ATP13A3: variants seen among roughly 807,000 people sequenced by gnomAD.
The protein encoded by ATP13A3 is ATPase 13A3.
Under a neutral mutation model 158.1 loss-of-function variants are expected in ATP13A3, and 59 were observed. That is an observed-to-expected ratio of 0.37 (90% CI 0.30 to 0.46). The LOEUF (loss-of-function observed/expected upper bound fraction) is 0.46, where lower values mean the gene tolerates loss of function less well. Ranked by LOEUF, ATP13A3 falls within the 20% of genes least tolerant of loss-of-function variation. The pLI is 1.00. For missense variants in ATP13A3, 1,166 were observed against 1,525.2 expected, an observed-to-expected ratio of 0.76 and a Z score of 3.92; for synonymous variants, 491 against 504.3, an observed-to-expected ratio of 0.97 and a Z score of 0.35.
intron 15 of ATP13A3, 84 bp from the exon 16 acceptor site, chr3:194,441,545 T>A (rs1235954586): frequency 5.0e-6 from 6 of 1,202,000 alleles, no homozygotes; most frequent in Non-Finnish European, 4.6e-6. Flanking sequence ...GTTTTGTAAT[T>A]AAAAAAAAAA....
chr3:194,430,381 A>C, intron 24 of ATP13A3, 66 bp from the exon 25 acceptor site: 1 of 1,501,322 alleles, frequency 6.7e-7, no homozygotes, highest in African/African-American at 1.4e-5. Flanking sequence ...TAACTTATTA[A>C]GACTTTTCTA....
rs935525937 is a variant in ATP13A3, at chr3:194,404,217, G to T, written c.*1702C>A. 5.6e-5 allele frequency: 23 copies of T among 413,872 alleles called. No homozygotes were observed. The highest frequency in any genetic ancestry group is 8.4e-5 in the Non-Finnish European group (18 of 213,074). 25.6% of individuals were successfully genotyped at this position (413,872 alleles called of 1,614,324 possible). A position where few individuals can be genotyped will look rare whatever the true frequency, so the allele number is the denominator to read the frequency against. On this transcript the variant is annotated 3_prime_UTR_variant, in exon 34 of 34. Coordinates refer to ENST00000645319, the MANE Select transcript of ATP13A3 (RefSeq NM_001367549.1). ...TCATAGAATCATTCATGGAACAACT[G>T]TTATCATCTAATGTGTATTAATAGC...
chr3:194,415,674 T>C (rs972451038), intron 31 of ATP13A3, among the ~76,000 whole-genome samples: 1 of 142,956 alleles, frequency 7.0e-6, no homozygotes, highest in African/African-American at 2.6e-5. Context: ...TTTTTTTTTT[T>C]TTTTTTTTTT....
intron 20 of ATP13A3, among the ~76,000 whole-genome samples, chr3:194,434,195 C>T (rs1348260088): frequency 6.6e-6 from 1 of 152,146 alleles, no homozygotes; most frequent in Non-Finnish European, 1.5e-5. Context: ...CTTTACTGCC[C>T]TCTACAACAT....
Position 194,431,134 on chromosome 3 carries a change from T to C in ATP13A3, c.2514A>G (p.Ile838Met). ...GAACAAGGTCTTGAAAATGCTCCAG[T>C]ATCACTGAGAATGATTTTCCATTCA... ...FAMNGKSFSV[I>M]LEHFQDLVPK... Residue 838 changes from isoleucine to methionine, a missense_variant, in exon 23 of 34, where the codon ATA becomes ATG. Ile to Met is a conservative substitution (Grantham distance 10). Coordinates refer to ENST00000645319, the MANE Select transcript of ATP13A3 (RefSeq NM_001367549.1). 1 of 1,614,020 alleles carries C rather than the reference T, an allele frequency of 6.2e-7. No individual in the cohort carries two copies.
intron 3 of ATP13A3, 131 bp downstream of exon 3, chr3:194,462,009 G>A (rs1326722635): frequency 2.5e-6 from 2 of 788,758 alleles, no homozygotes; most frequent in Non-Finnish European, 4.3e-6. Flanking sequence ...AAAAGCACAG[G>A]ATGAAGAAAG....
chr3:194,457,253 T>C, intron 6 of ATP13A3, 79 bp from the exon 7 acceptor site: 1 of 1,058,248 alleles, frequency 9.4e-7, no homozygotes, highest in Non-Finnish European at 1.4e-6. Flanking sequence ...TCTATATGCC[T>C]GATTTTATAA....
At chr3:194,435,574 T>C (rs116717542) in intron 20 of ATP13A3, among the ~76,000 whole-genome samples, 247 of 152,168 alleles carry the variant, frequency 1.6e-3, no homozygotes, top group African/African-American at 5.7e-3. Context: ...AGGAACAGTC[T>C]ATCCAATGTC....
chr3:194,424,259 AAC>A (rs775403809), intron 30 of ATP13A3: 5 of 151,698 alleles, frequency 3.3e-5, no homozygotes, highest in African/African-American at 4.8e-5. Context: ...AGTTCTTAGT[AAC>A]ACAGTTATTA....
intron 20 of ATP13A3, 122 bp from the exon 21 acceptor site, chr3:194,434,018 T>A (rs1717441852): frequency 9.4e-7 from 1 of 1,063,878 alleles, no homozygotes; most frequent in Non-Finnish European, 1.3e-6. Context: ...GTTTAAAATA[T>A]CTATAAATGA....
chr3:194,457,184 T>A lies in ATP13A3; in HGVS notation c.480-10A>T. 1 of 1,602,292 alleles carries A rather than the reference T, an allele frequency of 6.2e-7. No homozygotes were observed. The highest frequency in any genetic ancestry group is 8.5e-7 in the Non-Finnish European group (1 of 1,173,242). On this transcript the variant is annotated splice_polypyrimidine_tract_variant and intron_variant, in intron 6 of 33. Coordinates refer to ENST00000645319, the MANE Select transcript of ATP13A3 (RefSeq NM_001367549.1). ...ACCTTCATCCAGTCCCCTAAATAAATCCAAAGTTTTTACTTTAAACAAAGT... is the reference window on the plus strand; with the variant it reads ...ACCTTCATCCAGTCCCCTAAATAAAACCAAAGTTTTTACTTTAAACAAAGT...
chr3:194,403,425 G>A lies in ATP13A3; in HGVS notation c.*2494C>T, dbSNP rs752538229. On this transcript the variant is annotated 3_prime_UTR_variant, in exon 34 of 34. Coordinates refer to ENST00000645319, the MANE Select transcript of ATP13A3 (RefSeq NM_001367549.1). ...ATAGTTACCACTATTTATACTTGAGGGAGAAAAAAAACTTTAAACAACCCT... is the reference window on the plus strand; with the variant it reads ...ATAGTTACCACTATTTATACTTGAGAGAGAAAAAAAACTTTAAACAACCCT... 8.6e-5 allele frequency: 13 copies of A among 151,870 alleles called. No homozygotes were observed. The highest frequency in any genetic ancestry group is 1.8e-4 in the Non-Finnish European group (12 of 67,964). The allele number at this position is 151,870 out of a possible 1,614,324, so 9.4% of individuals were successfully genotyped here. A position where few individuals can be genotyped will look rare whatever the true frequency, so the allele number is the denominator to read the frequency against.
chr3:194,436,974 A>G, intron 20 of ATP13A3, 121 bp downstream of exon 20: 1 of 1,244,820 alleles, frequency 8.0e-7, no homozygotes, highest in South Asian at 1.5e-5. Flanking sequence ...CTAAAACAAT[A>G]TTATATTAGA....
intron 2 of ATP13A3, among the ~76,000 whole-genome samples, chr3:194,462,664 T>C (rs538424442): frequency 1.3e-5 from 2 of 152,346 alleles, no homozygotes; most frequent in East Asian, 3.9e-4. Flanking sequence ...TCTTTTAATA[T>C]TTAATAAGAT....
upstream of ATP13A3, among the ~76,000 whole-genome samples, chr3:194,491,580 A>C (rs1340425352): frequency 6.4e-5 from 4 of 62,758 alleles, no homozygotes; most frequent in Admixed American, 2.1e-4. Context: ...ATGCCTCCTC[A>C]TCTCTCACCT....
At chr3:194,432,431 A>G (rs1242275149) in intron 21 of ATP13A3, among the ~76,000 whole-genome samples, 1 of 152,240 alleles carries the variant, frequency 6.6e-6, no homozygotes, top group Non-Finnish European at 1.5e-5. Context: ...GGATCTTATT[A>G]AGGAGAAGCA....
chr3:194,466,925 G>T (rs567585858), intron 2 of ATP13A3, among the ~76,000 whole-genome samples: 1 of 152,334 alleles, frequency 6.6e-6, no homozygotes, highest in East Asian at 1.9e-4. Context: ...AGAGGGCCAC[G>T]AATATTAAGG....
In ATP13A3 at chr3:194,453,708, T is replaced by G; in HGVS notation, c.836A>C (p.Glu279Ala). 1.2e-6 allele frequency: 2 copies of G among 1,610,046 alleles called. No homozygotes were observed. The highest frequency in any genetic ancestry group is 8.5e-7 in the Non-Finnish European group (1 of 1,176,384). ...TVRVSVCRVNEEIEEIFSTDL... is the reference protein window; with the variant it reads ...TVRVSVCRVNAEIEEIFSTDL... ...TCTTCCAACATTCAATTACTTACCT[T>G]CATTTACTCTACAAACTGAAACTCT... The change falls in exon 10 of 34, where the codon GAA (glutamate) becomes GCA (alanine). Residue 279 changes from glutamate (E) to alanine (A), a missense_variant and splice_region_variant. Transcript: ENST00000645319.
At chr3:194,445,786 G>C (rs1441425817) in intron 14 of ATP13A3, among the ~76,000 whole-genome samples, 1 of 152,106 alleles carries the variant, frequency 6.6e-6, no homozygotes, top group Non-Finnish European at 1.5e-5. Flanking sequence ...AAGTTTGATA[G>C]AAGGTTTTCT....
Sources: allele counts gnomAD v4.1 joint callset (sites outside exome capture counted in the v4.1 genomes callset), GRCh38; gene constraint gnomAD v4.1.1; transcripts MANE v1.5; gene names NCBI Gene and HGNC (gene_info 2026-07-23, HGNC 2026-07-21).